SCHIP1: variants seen among roughly 807,000 people sequenced by gnomAD.
SCHIP1 encodes the protein schwannomin-interacting protein 1.
Under a neutral mutation model 29.7 loss-of-function variants are expected in SCHIP1, and 8 were observed. That is an observed-to-expected ratio of 0.27 (90% CI 0.16 to 0.49). The LOEUF (loss-of-function observed/expected upper bound fraction) is 0.49, where lower values mean the gene tolerates loss of function less well. Among genes scored for constraint, SCHIP1 ranks in the 20% least tolerant of loss-of-function variants. The pLI is 0.99. For missense variants in SCHIP1, 193 were observed against 294.6 expected (o/e 0.66, Z 2.52); for synonymous variants, 76 against 94.9 (o/e 0.80, Z 1.16).
At chr3:159,464,182 G>A in the SCHIP1 span, among the ~76,000 whole-genome samples, 1 of 152,258 alleles carries the variant, frequency 6.6e-6, no homozygotes, top group South Asian at 2.1e-4. Context: ...TCAGGAACCA[G>A]CTGCTTATAT....
At chr3:159,886,966 A>G (rs1008262100) in intron 3 of SCHIP1, 4 of 153,648 alleles carry the variant, frequency 2.6e-5, no homozygotes, top group Admixed American at 2.6e-4. Flanking sequence ...TATCACAAGA[A>G]CAGTACAGGA....
At chr3:159,395,891 C>T in the SCHIP1 span, among the ~76,000 whole-genome samples, 22 of 151,822 alleles carry the variant, frequency 1.4e-4, no homozygotes, top group Admixed American at 4.6e-4. Flanking sequence ...CTTTCTGTCT[C>T]ATTGATCTGT....
chr3:159,572,840 A>AATTG, the SCHIP1 span, among the ~76,000 whole-genome samples: 1 of 151,990 alleles, frequency 6.6e-6, no homozygotes, highest in Non-Finnish European at 1.5e-5. Context: ...CTTCTTGTTG[A>AATTG]ATTGATCCCT....
chr3:159,714,631 G>T, the SCHIP1 span, among the ~76,000 whole-genome samples: 1 of 152,012 alleles, frequency 6.6e-6, no homozygotes, highest in Non-Finnish European at 1.5e-5. Flanking sequence ...CTACGCCCAC[G>T]GAGCCTTGCT....
chr3:159,425,234 G>C, the SCHIP1 span, among the ~76,000 whole-genome samples: 1 of 152,110 alleles, frequency 6.6e-6, no homozygotes, highest in East Asian at 1.9e-4. Flanking sequence ...CCAATTAAAA[G>C]ACACAGACTG....
chr3:159,403,430 C>T, the SCHIP1 span, among the ~76,000 whole-genome samples: 3 of 152,198 alleles, frequency 2.0e-5, no homozygotes. Flanking sequence ...CACCACCTCA[C>T]ACCAATCCTT....
chr3:159,463,741 G>GGT, the SCHIP1 span, among the ~76,000 whole-genome samples: 1 of 149,438 alleles, frequency 6.7e-6, no homozygotes, highest in African/African-American at 2.5e-5. Flanking sequence ...AACAGAATGA[G>GGT]ATATATATAT....
At chr3:159,536,525 G>T in the SCHIP1 span, among the ~76,000 whole-genome samples, 1 of 152,154 alleles carries the variant, frequency 6.6e-6, no homozygotes, top group Non-Finnish European at 1.5e-5. Context: ...GATACCCTCT[G>T]TCTCCCACAG....
the SCHIP1 span, among the ~76,000 whole-genome samples, chr3:159,444,366 C>T: frequency 6.6e-6 from 1 of 152,068 alleles, no homozygotes; most frequent in South Asian, 2.1e-4. Context: ...TTAGAGAATG[C>T]CCCCAAGAAG....
chr3:159,791,986 A>G, the SCHIP1 span, among the ~76,000 whole-genome samples: 2 of 152,166 alleles, frequency 1.3e-5, no homozygotes, highest in African/African-American at 4.8e-5. Context: ...TTAAAAAGTC[A>G]TGTTCTATTT....
chr3:159,848,898 G>A (rs931828715), intron 1 of SCHIP1, among the ~76,000 whole-genome samples: 2 of 152,092 alleles, frequency 1.3e-5, no homozygotes, highest in Non-Finnish European at 2.9e-5. Context: ...ATCTGGAAAG[G>A]GTTTGGGCTA....
At chr3:159,838,767 G>A (rs1272048085), upstream of SCHIP1, among the ~76,000 whole-genome samples, 2 of 151,770 alleles carry the variant, frequency 1.3e-5, no homozygotes, top group Admixed American at 6.6e-5. Flanking sequence ...GGTGGTGGGC[G>A]CCTGTAGTCC....
the SCHIP1 span, among the ~76,000 whole-genome samples, chr3:159,459,886 A>G: frequency 6.6e-6 from 1 of 152,168 alleles, no homozygotes; most frequent in Non-Finnish European, 1.5e-5. Context: ...GAAAAGGAAC[A>G]TCCAGAAGCC....
chr3:159,686,326 T>C, the SCHIP1 span, among the ~76,000 whole-genome samples: 1 of 152,192 alleles, frequency 6.6e-6, no homozygotes, highest in East Asian at 1.9e-4. Context: ...CAGAATGATA[T>C]TATACCTAAT....
the SCHIP1 span, among the ~76,000 whole-genome samples, chr3:159,373,528 A>AT: frequency 2.0e-5 from 3 of 152,200 alleles, no homozygotes; most frequent in East Asian, 3.9e-4. Context: ...CTCCAAGAAA[A>AT]TAGAGACTTT....
chr3:159,511,383 A>G, the SCHIP1 span, among the ~76,000 whole-genome samples: 1 of 152,186 alleles, frequency 6.6e-6, no homozygotes, highest in Non-Finnish European at 1.5e-5. Context: ...TTGCTTGGCT[A>G]GGAAAGGGAA....
the SCHIP1 span, among the ~76,000 whole-genome samples, chr3:159,511,090 C>T: frequency 1.3e-5 from 2 of 152,348 alleles, no homozygotes; most frequent in South Asian, 2.1e-4. Flanking sequence ...GGCCCACAGG[C>T]CTCCTTGAGC....
intron 2 of SCHIP1, among the ~76,000 whole-genome samples, chr3:159,882,096 C>G (rs1426958410): frequency 6.6e-6 from 1 of 152,222 alleles, no homozygotes; most frequent in Admixed American, 6.5e-5. Flanking sequence ...ATAGACTCCA[C>G]TTCTCAATGG....
the SCHIP1 span, among the ~76,000 whole-genome samples, chr3:159,490,566 T>C: frequency 6.6e-6 from 1 of 152,210 alleles, no homozygotes; most frequent in East Asian, 1.9e-4. Context: ...CTACAACTTG[T>C]CAAGTGCTAA....
Sources: gnomAD v4.1 joint callset for allele counts (sites outside exome capture counted in the v4.1 genomes callset) on GRCh38, gnomAD v4.1.1 for gene constraint, MANE v1.5 for transcripts, NCBI Gene and HGNC (gene_info 2026-07-23, HGNC 2026-07-21) for gene names.